PLEKHG1: variants seen among roughly 807,000 people sequenced by gnomAD.
PLEKHG1 encodes the protein pleckstrin homology domain-containing family G member 1.
Under a neutral mutation model 100.8 loss-of-function variants are expected in PLEKHG1, and 44 were observed. That is an observed-to-expected ratio of 0.44 (90% CI 0.34 to 0.56). PLEKHG1 has a LOEUF of 0.56. Ranked by LOEUF, PLEKHG1 falls within the 20% of genes least tolerant of loss-of-function variation. The pLI, the probability that PLEKHG1 is intolerant of heterozygous loss-of-function variation, is 0.01. For missense variants in PLEKHG1, 1,545 were observed against 1,720.9 expected (o/e 0.90, Z 1.81); for synonymous variants, 640 against 662.5 (o/e 0.97, Z 0.52).
intron 3 of PLEKHG1, chr6:150,652,104 T>G (rs1778769673): frequency 6.6e-6 from 1 of 152,184 alleles, no homozygotes; most frequent in African/African-American, 2.4e-5. Context: ...TCTGTGGTAT[T>G]TTTAACGTAT....
chr6:150,813,210 C>G (rs1323015519), intron 10 of PLEKHG1, among the ~76,000 whole-genome samples: 2 of 150,204 alleles, frequency 1.3e-5, no homozygotes, highest in African/African-American at 4.9e-5. Flanking sequence ...GAGGCTGAGG[C>G]AGGAGAATGG....
intron 3 of PLEKHG1, among the ~76,000 whole-genome samples, chr6:150,699,086 A>G (rs1466168367): frequency 6.6e-6 from 1 of 152,206 alleles, no homozygotes; most frequent in Non-Finnish European, 1.5e-5. Context: ...TGAAATCTGA[A>G]TGTACCCTGT....
chr6:150,767,198 ATTTG>A (rs1473491312), intron 2 of PLEKHG1, among the ~76,000 whole-genome samples: 2 of 152,002 alleles, frequency 1.3e-5, no homozygotes, highest in Non-Finnish European at 2.9e-5. Context: ...TCTGGCCTCC[ATTTG>A]TTTTTCTTTT....
chr6:150,677,284 A>ACG (rs57827213), intron 3 of PLEKHG1, among the ~76,000 whole-genome samples: 29 of 102,002 alleles, frequency 2.8e-4, no homozygotes, highest in South Asian at 2.7e-3. Flanking sequence ...TTCTTCCCCT[A>ACG]TACACACACA....
chr6:150,819,172 A>G (rs1049104205), intron 11 of PLEKHG1, among the ~76,000 whole-genome samples: 1 of 150,444 alleles, frequency 6.6e-6, no homozygotes, highest in African/African-American at 2.5e-5. Context: ...ATCCCAGCTA[A>G]TAGACTCCTA....
At chr6:150,742,609 C>T (rs553392916) in intron 2 of PLEKHG1, among the ~76,000 whole-genome samples, 3 of 150,976 alleles carry the variant, frequency 2.0e-5, no homozygotes, top group Admixed American at 6.6e-5. Flanking sequence ...AGGGAGGGCC[C>T]GCACACTCAA....
At chr6:150,647,967 G>A (rs1778570762) in intron 2 of PLEKHG1, among the ~76,000 whole-genome samples, 1 of 151,930 alleles carries the variant, frequency 6.6e-6, no homozygotes, top group South Asian at 2.1e-4. Flanking sequence ...CTGACTAGAT[G>A]ATGCTTTTTT....
intron 1 of PLEKHG1, among the ~76,000 whole-genome samples, chr6:150,728,249 T>C (rs1157457931): frequency 1.4e-5 from 2 of 144,556 alleles, no homozygotes; most frequent in East Asian, 4.2e-4. Flanking sequence ...CTGACTAAAA[T>C]ATATATGAAC....
chr6:150,832,633 A>C (rs1045108622), intron 15 of PLEKHG1, among the ~76,000 whole-genome samples: 4 of 151,912 alleles, frequency 2.6e-5, no homozygotes, highest in Non-Finnish European at 4.4e-5. Context: ...TCAGGATCTC[A>C]ACAAAAATGC....
At chr6:150,700,306 A>C (rs531125620) in intron 3 of PLEKHG1, among the ~76,000 whole-genome samples, 1 of 152,304 alleles carries the variant, frequency 6.6e-6, no homozygotes, top group South Asian at 2.1e-4. Context: ...GAAGTCACTA[A>C]TTCCCAAAAT....
intron 2 of PLEKHG1, among the ~76,000 whole-genome samples, chr6:150,641,876 C>CAAAAAAAAAAAA (rs71554473): frequency 9.1e-4 from 70 of 76,804 alleles, no homozygotes; most frequent in Non-Finnish European, 1.2e-3. Flanking sequence ...TGTGAAAAGG[C>CAAAAAAAAAAAA]AAAAAAAAAA....
chr6:150,646,785 G>A (rs573628272), intron 2 of PLEKHG1, among the ~76,000 whole-genome samples: 15 of 152,200 alleles, frequency 9.9e-5, no homozygotes, highest in African/African-American at 2.9e-4. Flanking sequence ...TGAGATTTAC[G>A]TGATCAGATT....
At chr6:150,649,815 TC>T (rs1482212322) in intron 2 of PLEKHG1, among the ~76,000 whole-genome samples, 2 of 151,798 alleles carry the variant, frequency 1.3e-5, no homozygotes, top group East Asian at 3.9e-4. Context: ...ATCGAGACCA[TC>T]CTGGCTAACA....
At chr6:150,640,785 A>C (rs985747854) in intron 2 of PLEKHG1, among the ~76,000 whole-genome samples, 5 of 152,134 alleles carry the variant, frequency 3.3e-5, no homozygotes, top group African/African-American at 1.2e-4. Flanking sequence ...TTCATTTAAC[A>C]ATTATTTGTG....
chr6:150,816,494 A>C (rs1313720889), intron 10 of PLEKHG1, among the ~76,000 whole-genome samples: 2 of 151,406 alleles, frequency 1.3e-5, no homozygotes, highest in African/African-American at 4.9e-5. Flanking sequence ...CGCACAGCTA[A>C]TTTTTGTATT....
chr6:150,791,120 G>A (rs1480352807), intron 4 of PLEKHG1, among the ~76,000 whole-genome samples: 9 of 152,214 alleles, frequency 5.9e-5, no homozygotes, highest in African/African-American at 2.2e-4. Context: ...TCTTGGACCT[G>A]CAGCATCAGC....
At position 150,818,632 on chromosome 6, in the gene PLEKHG1, A is replaced by G. The variant is rs995337334; in HGVS notation, c.1312+416A>G. On this transcript the variant is annotated intron_variant, in intron 11 of 15. Coordinates refer to ENST00000358517, the Ensembl canonical transcript of PLEKHG1. ...AGTATTGGTTTTCCTGATGCAGCAGAAACTTCTAAAATCACAACCACCCCA... is the reference window on the plus strand; with the variant it reads ...AGTATTGGTTTTCCTGATGCAGCAGGAACTTCTAAAATCACAACCACCCCA... 3.3e-5 allele frequency among the ~76,000 whole-genome samples: 5 copies of G among 152,364 alleles called. No individual in the cohort carries two copies. The South Asian group carries it at 1.0e-3, about 32-fold the overall frequency.
At chr6:150,736,989 G>C (rs1032618315) in intron 2 of PLEKHG1, among the ~76,000 whole-genome samples, 1 of 152,196 alleles carries the variant, frequency 6.6e-6, no homozygotes, top group Admixed American at 6.5e-5. Flanking sequence ...CCCAAATGAA[G>C]AGGGAGGGAC....
At chr6:150,627,870 C>A (rs1294657724) in intron 1 of PLEKHG1, among the ~76,000 whole-genome samples, 1 of 152,120 alleles carries the variant, frequency 6.6e-6, no homozygotes. Flanking sequence ...AAACTGAAAT[C>A]CAAGATTACA....
Sources: gnomAD v4.1 joint callset for allele counts (sites outside exome capture counted in the v4.1 genomes callset) on GRCh38, gnomAD v4.1.1 for gene constraint, MANE v1.5 for transcripts, NCBI Gene and HGNC (gene_info 2026-07-23, HGNC 2026-07-21) for gene names.